Variants in LMCD1 observed in about 807,000 individuals in gnomAD.
LMCD1 encodes the protein LIM and cysteine rich domains 1, also known as LIM and cysteine-rich domains protein 1.
A neutral mutation model predicts 42.7 loss-of-function variants in LMCD1; 32 were observed. The ratio of observed to expected loss-of-function variants is 0.75; its 90% CI spans 0.57 to 1.01. The LOEUF is 1.01. LMCD1 is among the 50% of genes least tolerant of loss of function. The pLI is 0.00. For synonymous variants in LMCD1, 178 were observed against 184.9 expected (o/e 0.96, Z 0.30); for missense variants, 458 against 483.1 (o/e 0.95, Z 0.49).
intron 3 of LMCD1, among the ~76,000 whole-genome samples, chr3:8,544,302 T>C (rs562358197): frequency 6.6e-6 from 1 of 152,280 alleles, no homozygotes; most frequent in East Asian, 1.9e-4. Context: ...GCAGGAGAAC[T>C]GGACCTAAAA....
chr3:8,524,037 A>G (rs1398821991), intron 1 of LMCD1, among the ~76,000 whole-genome samples: 1 of 152,100 alleles, frequency 6.6e-6, no homozygotes, highest in Non-Finnish European at 1.5e-5. Context: ...AGCTTCAAAC[A>G]ATGGAAGAAG....
chr3:8,558,803 T>C (rs1168914731), intron 4 of LMCD1, among the ~76,000 whole-genome samples: 1 of 152,204 alleles, frequency 6.6e-6, no homozygotes, highest in African/African-American at 2.4e-5. Flanking sequence ...TCAGTTTTGC[T>C]GAGCTTATGT....
In LMCD1 at chr3:8,501,995, G is replaced by A. The variant is rs1693733512; in HGVS notation, c.42+15G>A. The A allele has an allele frequency of 1.3e-6, 2 of 1,578,484 alleles. No individual in the cohort carries two copies. The highest frequency in any genetic ancestry group is 1.7e-6 in the Non-Finnish European group (2 of 1,165,476). The stretch of plus-strand genomic sequence containing the variant: ...GAGTTAAAAAGGTGAGTGGAAAGCT[G>A]TTTGTATTTACCCAGATTCTTACTT... On this transcript the variant is annotated intron_variant, in intron 1 of 5. Coordinates refer to ENST00000157600, the MANE Select transcript of LMCD1 (RefSeq NM_014583.4).
intron 1 of LMCD1, among the ~76,000 whole-genome samples, chr3:8,511,279 C>CT (rs968860212): frequency 5.3e-5 from 8 of 152,236 alleles, no homozygotes; most frequent in African/African-American, 1.9e-4. Flanking sequence ...TTTGTTGAAA[C>CT]TTTTTAAACT....
At chr3:8,507,468 A>G (rs2125009401) in intron 1 of LMCD1, among the ~76,000 whole-genome samples, 1 of 152,292 alleles carries the variant, frequency 6.6e-6, no homozygotes, top group Non-Finnish European at 1.5e-5. Context: ...ATGAGAAGCA[A>G]ACCCTTTTAC....
chr3:8,508,409 T>C (rs934034829), intron 1 of LMCD1, among the ~76,000 whole-genome samples: 2 of 152,200 alleles, frequency 1.3e-5, no homozygotes, highest in African/African-American at 4.8e-5. Context: ...AGTAACTCTA[T>C]TGAAGGACAA....
intron 1 of LMCD1, among the ~76,000 whole-genome samples, chr3:8,510,193 C>T (rs11713773): frequency 0.06 from 9,206 of 152,182 alleles, 409 homozygotes; most frequent in South Asian, 0.1. Context: ...GTGACTGACC[C>T]GTGCAATCTG....
intron 3 of LMCD1, among the ~76,000 whole-genome samples, chr3:8,541,421 C>T (rs930584521): frequency 3.3e-5 from 5 of 152,204 alleles, no homozygotes; most frequent in South Asian, 2.1e-4. Context: ...TGGTAGCAGG[C>T]GCCTGTAATC....
Position 8,548,796 on chromosome 3 carries a change from G to T in LMCD1, c.616G>T (p.Gly206Cys), listed in dbSNP as rs773172230. The change falls in exon 4 of 6, where the codon GGC becomes TGC. Residue 206 changes from glycine to cysteine, a missense_variant. Coordinates refer to ENST00000157600, the MANE Select transcript of LMCD1 (RefSeq NM_014583.4). ...AGAAGTGGCCCTCCCGGGGCAGGGT[G>T]GCTTGCCCAAGGAGGAGGGGAAGCA... ...VGEVALPGQG[G>C]LPKEEGKQQE... The T allele has an allele frequency of 7.7e-5, 124 of 1,610,190 alleles. No homozygotes were observed. The highest frequency in any genetic ancestry group is 1.0e-4 in the Non-Finnish European group (122 of 1,176,880).
chr3:8,553,312 A>G (rs1694872729), intron 4 of LMCD1, among the ~76,000 whole-genome samples: 1 of 152,162 alleles, frequency 6.6e-6, no homozygotes, highest in African/African-American at 2.4e-5. Context: ...CTATTGGAGC[A>G]ATGGCAGGGT....
rs190907521 is a variant in LMCD1 at position 8,545,879 on chromosome 3, T to C, written c.388-2689T>C. On this transcript the variant is annotated intron_variant, in intron 3 of 5. Transcript: ENST00000157600. ...GGTCAGGTGCGGTGGCTCACACCTGTAATCCCAGCATTTTGGGAGGCCGAG... is the reference window on the plus strand; with the variant it reads ...GGTCAGGTGCGGTGGCTCACACCTGCAATCCCAGCATTTTGGGAGGCCGAG... Among the ~76,000 whole-genome samples the C allele has an allele frequency of 1.2e-4, 19 of 152,334 alleles. 1 individual carries two copies. The highest frequency in any genetic ancestry group is 1.0e-3 in the Admixed American group (16 of 15,298).
At position 8,573,553 on chromosome 3, in the gene LMCD1, G is replaced by A. The variant is rs1695253922; in HGVS notation, c.*5955G>A. ...GAAAGATGAAACTATGCAATGGCAT[G>A]GCTGTTGGTCATTCACATCTCTCTC... On this transcript the variant is annotated 3_prime_UTR_variant, in exon 6 of 6. Coordinates refer to ENST00000157600, the MANE Select transcript of LMCD1 (RefSeq NM_014583.4). The A allele has an allele frequency of 6.6e-6, 1 of 152,234 alleles. No homozygotes were observed. The highest frequency in any genetic ancestry group is 1.5e-5 in the Non-Finnish European group (1 of 68,046). The allele number at this position is 152,234 out of a possible 1,614,324, so 9.4% of individuals were successfully genotyped here.
In LMCD1 at chr3:8,565,437, C is replaced by T. The variant is rs758954010; in HGVS notation, c.729C>T (p.Cys243=). 7.4e-6 allele frequency: 12 copies of T among 1,613,474 alleles called. No homozygotes were observed. In the South Asian group the frequency reaches 9.9e-5, roughly 13 times the overall value. ...SDPSKEVEYV[C]ELCKGAAPPD... is the part of the protein sequence containing the mutation. ...GTCCTTCCCCATCCTTCCAGGTCTG[C>T]GAGCTCTGCAAGGGAGCGGCCCCTC... Residue 243 remains cysteine (C), a synonymous_variant, in exon 5 of 6, where the codon TGC becomes TGT. Transcript: ENST00000157600.
In LMCD1 at chr3:8,568,980, C is replaced by T. The variant is rs1695172722; in HGVS notation, c.*1382C>T. The stretch of plus-strand genomic sequence containing the variant: ...AGTTTCACCAAAGCCATTGCTATAT[C>T]CTCCCAAGGCAGTGGTTTTCTGCTC... On this transcript the variant is annotated 3_prime_UTR_variant, in exon 6 of 6. Transcript: ENST00000157600. 6.6e-6 allele frequency: 1 copy of T among 152,198 alleles called. No individual in the cohort carries two copies. The highest frequency in any genetic ancestry group is 1.5e-5 in the Non-Finnish European group (1 of 68,052). The allele number at this position is 152,198 out of a possible 1,614,324, so 9.4% of individuals were successfully genotyped here.
Position 8,532,792 on chromosome 3 carries a change from G to A in LMCD1, c.98G>A (p.Gly33Glu), listed in dbSNP as rs772057104. The change falls in exon 2 of 6, where the codon GGG becomes GAG. Residue 33 changes from glycine to glutamate, a missense_variant. Coordinates refer to ENST00000157600, the MANE Select transcript of LMCD1 (RefSeq NM_014583.4). ...ARGVACLGCK[G>E]TCSGFEPHSW... ...GGTGTGGCATGTTTGGGATGCAAGG[G>A]GACGTGTTCGGGCTTCGAGCCACAT... 8.1e-6 allele frequency: 13 copies of A among 1,613,778 alleles called. No individual in the cohort carries two copies. In the Admixed American group the frequency reaches 8.3e-5, roughly 10 times the overall value.
Position 8,548,961 on chromosome 3 carries a change from G to A in LMCD1, c.723+58G>A, listed in dbSNP as rs1405999550. ...AACCATGCAGGCCCAGGGCTGGACA[G>A]TCAGGGCCCCATCACGGGGCTTTGT... On this transcript the variant is annotated intron_variant, in intron 4 of 5. Coordinates refer to ENST00000157600, the MANE Select transcript of LMCD1 (RefSeq NM_014583.4). 7 of 1,297,792 alleles carry A rather than the reference G, an allele frequency of 5.4e-6. No homozygotes were observed. In the African/African-American group the frequency reaches 9.0e-5, roughly 17 times the overall value. The allele number at this position is 1,297,792 out of a possible 1,614,324, so 80.4% of individuals were successfully genotyped here.
intron 2 of LMCD1, among the ~76,000 whole-genome samples, chr3:8,535,050 G>C (rs1694484499): frequency 6.6e-6 from 1 of 152,134 alleles, no homozygotes; most frequent in Admixed American, 6.5e-5. Context: ...TCCATTTATG[G>C]AAAGTATTGG....
intron 3 of LMCD1, among the ~76,000 whole-genome samples, chr3:8,542,490 G>A (rs532085238): frequency 6.6e-6 from 1 of 152,254 alleles, no homozygotes; most frequent in African/African-American, 2.4e-5. Flanking sequence ...CGCTGCCCCA[G>A]GATCCCTAGC....
chr3:8,560,191 G>A (rs909081983), intron 4 of LMCD1, among the ~76,000 whole-genome samples: 8 of 152,134 alleles, frequency 5.3e-5, no homozygotes, highest in Non-Finnish European at 8.8e-5. Flanking sequence ...TTTGAGCTCC[G>A]GAGTTCAAGA....
Sources: gnomAD v4.1 joint callset for allele counts (sites outside exome capture counted in the v4.1 genomes callset) on GRCh38, gnomAD v4.1.1 for gene constraint, MANE v1.5 for transcripts, NCBI Gene and HGNC (gene_info 2026-07-23, HGNC 2026-07-21) for gene names.